EXOC4: variants seen among roughly 807,000 people sequenced by gnomAD.
EXOC4 encodes SEC8-like 1.
A neutral mutation model predicts 107.2 loss-of-function variants in EXOC4; 71 were observed. The ratio of observed to expected loss-of-function variants is 0.66; its 90% confidence interval spans 0.55 to 0.81. The LOEUF (loss-of-function observed/expected upper bound fraction) is 0.81. Among genes scored for constraint, EXOC4 ranks in the 30% least tolerant of loss-of-function variants. EXOC4 has a pLI of 0.00. For missense variants in EXOC4, 1,108 were observed against 1,189.6 expected (o/e 0.93, Z 1.01); for synonymous variants, 456 against 441.2 (o/e 1.03, Z -0.42).
intron 9 of EXOC4, among the ~76,000 whole-genome samples, chr7:133,523,131 G>T (rs1384598998): frequency 1.3e-5 from 2 of 152,114 alleles, no homozygotes. Flanking sequence ...GCTTCATATT[G>T]CTTGAGACTG....
chr7:133,417,368 G>A (rs939329204), intron 7 of EXOC4, among the ~76,000 whole-genome samples: 12 of 152,170 alleles, frequency 7.9e-5, no homozygotes, highest in African/African-American at 2.9e-4. Flanking sequence ...GATTCAGAGA[G>A]AGGCTAGGAT....
intron 2 of EXOC4, among the ~76,000 whole-genome samples, chr7:133,281,295 A>AATAC (rs1289792931): frequency 2.0e-5 from 3 of 150,716 alleles, no homozygotes; most frequent in African/African-American, 7.3e-5. Context: ...ATAAAAAATA[A>AATAC]ATAAATAAAT....
chr7:133,795,406 A>T (rs1796793424), intron 10 of EXOC4, among the ~76,000 whole-genome samples: 1 of 152,192 alleles, frequency 6.6e-6, no homozygotes, highest in Non-Finnish European at 1.5e-5. Context: ...GATGTTTCAG[A>T]TCCTTTTTAA....
chr7:133,705,365 T>A (rs1227133513), intron 10 of EXOC4, among the ~76,000 whole-genome samples: 1 of 152,046 alleles, frequency 6.6e-6, no homozygotes, highest in Non-Finnish European at 1.5e-5. Flanking sequence ...AGACTCCATC[T>A]CAAAAAATAA....
chr7:133,580,863 G>A (rs1801249912), intron 9 of EXOC4, among the ~76,000 whole-genome samples: 1 of 152,176 alleles, frequency 6.6e-6, no homozygotes, highest in African/African-American at 2.4e-5. Context: ...CAACCTTATA[G>A]CACCAGCAGT....
At chr7:133,460,606 A>T (rs1584934538) in intron 7 of EXOC4, among the ~76,000 whole-genome samples, 1 of 152,288 alleles carries the variant, frequency 6.6e-6, no homozygotes, top group Non-Finnish European at 1.5e-5. Flanking sequence ...AACAAAACTG[A>T]TAAAATAGTA....
At chr7:133,588,820 T>C (rs764355402) in intron 9 of EXOC4, among the ~76,000 whole-genome samples, 38 of 152,288 alleles carry the variant, frequency 2.5e-4, no homozygotes, top group Admixed American at 6.5e-4. Flanking sequence ...GAGGTTGTAG[T>C]GAGCCAAGAT....
At chr7:133,632,628 G>A (rs1363518061) in intron 10 of EXOC4, among the ~76,000 whole-genome samples, 2 of 151,968 alleles carry the variant, frequency 1.3e-5, no homozygotes, top group Non-Finnish European at 1.5e-5. Context: ...GTAATGAAAC[G>A]AACCAGTGTT....
chr7:133,399,304 T>G (rs1288633517), intron 7 of EXOC4, among the ~76,000 whole-genome samples: 1 of 152,236 alleles, frequency 6.6e-6, no homozygotes, highest in Non-Finnish European at 1.5e-5. Flanking sequence ...TCCTCTCTGT[T>G]TATTTTGTAT....
chr7:133,267,853 C>A (rs1185596894), intron 1 of EXOC4, among the ~76,000 whole-genome samples: 1 of 152,168 alleles, frequency 6.6e-6, no homozygotes, highest in Admixed American at 6.5e-5. Flanking sequence ...CTCTCTAGAT[C>A]CTGCATCGCA....
chr7:133,746,621 C>T (rs1414315293), intron 10 of EXOC4, among the ~76,000 whole-genome samples: 4 of 152,102 alleles, frequency 2.6e-5, no homozygotes, highest in African/African-American at 7.2e-5. Flanking sequence ...CCTTGGCATT[C>T]GTTGTTGAGG....
chr7:133,745,846 T>C (rs565029141), intron 10 of EXOC4, among the ~76,000 whole-genome samples: 2 of 152,140 alleles, frequency 1.3e-5, no homozygotes, highest in Admixed American at 1.3e-4. Context: ...AGTCAATCTT[T>C]TTCTACCATT....
At chr7:133,338,756 T>G (rs1050743958) in intron 5 of EXOC4, among the ~76,000 whole-genome samples, 1 of 146,042 alleles carries the variant, frequency 6.8e-6, no homozygotes, top group Admixed American at 6.8e-5. Context: ...GTCTTTTTTT[T>G]TTTTTTTTTT....
At chr7:133,569,597 A>G (rs1397558725) in intron 9 of EXOC4, among the ~76,000 whole-genome samples, 1 of 152,168 alleles carries the variant, frequency 6.6e-6, no homozygotes, top group Non-Finnish European at 1.5e-5. Context: ...GGAAGATAAT[A>G]TTGAGGAAAG....
chr7:133,371,029 AAG>A (rs1015621301), intron 6 of EXOC4, among the ~76,000 whole-genome samples: 1 of 152,250 alleles, frequency 6.6e-6, no homozygotes, highest in Non-Finnish European at 1.5e-5. Flanking sequence ...TTACTTAAGA[AAG>A]AGAAAGAAAA....
intron 17 of EXOC4, among the ~76,000 whole-genome samples, chr7:134,057,018 T>G (rs1795942232): frequency 6.6e-6 from 1 of 152,184 alleles, no homozygotes; most frequent in Non-Finnish European, 1.5e-5. Context: ...ATTTTAACTT[T>G]CAGCGTCTCC....
chr7:133,327,238 C>A (rs1207636874), intron 5 of EXOC4, among the ~76,000 whole-genome samples: 1 of 152,234 alleles, frequency 6.6e-6, no homozygotes, highest in Non-Finnish European at 1.5e-5. Context: ...GTCCGACAAG[C>A]CCCAGTGAGA....
At chr7:133,731,203 T>C (rs951748895) in intron 10 of EXOC4, among the ~76,000 whole-genome samples, 1 of 152,184 alleles carries the variant, frequency 6.6e-6, no homozygotes, top group Non-Finnish European at 1.5e-5. Flanking sequence ...ACATCAGATT[T>C]ACTGTTTTAA....
the EXOC4 span, among the ~76,000 whole-genome samples, chr7:134,085,345 AC>A: frequency 1.6e-4 from 23 of 147,948 alleles, no homozygotes; most frequent in African/African-American, 4.2e-4. Context: ...AAAAAAAAAA[AC>A]CAACTTTTTT....
Sources: gnomAD v4.1 joint callset for allele counts (sites outside exome capture counted in the v4.1 genomes callset) on GRCh38, gnomAD v4.1.1 for gene constraint, MANE v1.5 for transcripts, NCBI Gene and HGNC (gene_info 2026-07-23, HGNC 2026-07-21) for gene names.